TESK2: variants seen among roughly 807,000 people sequenced by gnomAD.
The protein encoded by TESK2 is testis associated actin remodelling kinase 2.
A neutral mutation model predicts 57.1 loss-of-function variants in TESK2; 39 were observed. The observed-to-expected ratio is 0.68, with a 90% CI of 0.53 to 0.89. The LOEUF (loss-of-function observed/expected upper bound fraction) is 0.89. Ranked by LOEUF, TESK2 falls within the 40% of genes least tolerant of loss-of-function variation. The pLI is 0.00. For synonymous variants in TESK2, 249 were observed against 267.9 expected, an observed-to-expected ratio of 0.93 and a Z score of 0.69; for missense variants, 646 against 732.1, an observed-to-expected ratio of 0.88 and a Z score of 1.36.
At chr1:45,413,687 G>A (rs1174291657) in intron 3 of TESK2, 2 of 211,518 alleles carry the variant, frequency 9.5e-6, no homozygotes, top group African/African-American at 4.6e-5. Context: ...AAGATAAAAA[G>A]TGCAACTGTT....
rs991485859 is a variant in TESK2 at position 45,345,109 on chromosome 1, G to A, written c.1447C>T (p.Pro483Ser). 6.2e-7 allele frequency: 1 copy of A among 1,614,162 alleles called. No homozygotes were observed. Among genetic ancestry groups the A allele is most frequent in the Non-Finnish European group, 8.5e-7 (1 of 1,180,042 alleles). ...GREESLSDGPPPRLSSLKYRV... is the reference protein window; with the variant it reads ...GREESLSDGPSPRLSSLKYRV... Reference sequence around the variant, plus strand: ...TACTTGAGACTACTTAGGCGTGGTGGGGGCCCATCAGATAGCGATTCTTCC... The same window carrying A: ...TACTTGAGACTACTTAGGCGTGGTGAGGGCCCATCAGATAGCGATTCTTCC... Residue 483 changes from proline (P) to serine (S), a missense_variant, in exon 11 of 11, where the codon CCA becomes TCA. By Grantham distance (74) the Pro-to-Ser change is moderately conservative. Transcript: ENST00000372086.
At chr1:45,383,678 A>G (rs1648750157) in intron 4 of TESK2, among the ~76,000 whole-genome samples, 2 of 152,204 alleles carry the variant, frequency 1.3e-5, no homozygotes, top group African/African-American at 2.4e-5. Flanking sequence ...CAGCCCTTCC[A>G]ATGAATTCAC....
chr1:45,473,266 T>G (rs1047391042), intron 1 of TESK2, among the ~76,000 whole-genome samples: 2 of 152,232 alleles, frequency 1.3e-5, no homozygotes, highest in East Asian at 3.9e-4. Flanking sequence ...CTTCTTTTTG[T>G]GCTTAGGTGA....
At chr1:45,355,683 A>G (rs970541400) in intron 4 of TESK2, among the ~76,000 whole-genome samples, 1 of 152,232 alleles carries the variant, frequency 6.6e-6, no homozygotes, top group African/African-American at 2.4e-5. Context: ...ATAAATATTA[A>G]AATATAGTTA....
intron 3 of TESK2, among the ~76,000 whole-genome samples, chr1:45,420,422 G>A (rs748421291): frequency 2.0e-5 from 3 of 150,830 alleles, no homozygotes; most frequent in Non-Finnish European, 3.0e-5. Context: ...TTTGTTGTTT[G>A]TTGTTGTTGT....
intron 3 of TESK2, among the ~76,000 whole-genome samples, chr1:45,420,308 T>C (rs991125522): frequency 9.9e-5 from 15 of 152,000 alleles, no homozygotes; most frequent in Non-Finnish European, 1.5e-4. Flanking sequence ...GCTGCAATCA[T>C]GGCTCACTGT....
chr1:45,378,807 C>G (rs1210259954), intron 4 of TESK2, among the ~76,000 whole-genome samples: 2 of 152,182 alleles, frequency 1.3e-5, no homozygotes, highest in African/African-American at 4.8e-5. Context: ...TGGTGTGTAT[C>G]AAGTGAATCT....
chr1:45,471,189 C>T (rs1205298441), intron 1 of TESK2, among the ~76,000 whole-genome samples: 1 of 151,904 alleles, frequency 6.6e-6, no homozygotes, highest in Non-Finnish European at 1.5e-5. Flanking sequence ...TATGATCACA[C>T]CACTGCACTC....
intron 3 of TESK2, chr1:45,399,079 T>G (rs1409530512): frequency 2.7e-6 from 1 of 370,612 alleles, no homozygotes; most frequent in Non-Finnish European, 5.2e-6. Context: ...TCCATACACT[T>G]AAAACATTGC....
rs116487528 is a variant in TESK2, at chr1:45,376,911, T to C, written c.393+9001A>G. ...GTGTGCTTGATGATGATTATTCAGA[T>C]AGTAGTATGTCAAAATGAAGAAAAC... On this transcript the variant is annotated intron_variant, in intron 4 of 10. Transcript: ENST00000372086. Among the ~76,000 whole-genome samples, 361 of 152,244 alleles carry C rather than the reference T, an allele frequency of 2.4e-3. 4 individuals are homozygous for C. The highest frequency in any genetic ancestry group is 8.4e-3 in the African/African-American group (350 of 41,566).
chr1:45,347,880 CT>C (rs1647168658), intron 6 of TESK2, 37 bp downstream of exon 6: 7 of 1,556,596 alleles, frequency 4.5e-6, no homozygotes, highest in Non-Finnish European at 6.2e-6. Context: ...CTTCAGCCCC[CT>C]GTCCCTTGGA....
intron 5 of TESK2, among the ~76,000 whole-genome samples, chr1:45,348,264 G>C (rs2149263061): frequency 6.6e-6 from 1 of 152,284 alleles, no homozygotes; most frequent in African/African-American, 2.4e-5. Context: ...TAAGTGCTAG[G>C]CATAATTTTA....
At chr1:45,478,385 A>C (rs1653085552) in intron 1 of TESK2, among the ~76,000 whole-genome samples, 1 of 152,162 alleles carries the variant, frequency 6.6e-6, no homozygotes, top group East Asian at 1.9e-4. Context: ...CTTTCACTGG[A>C]CTATGAGCTT....
chr1:45,358,006 T>TAA (rs760610185), intron 4 of TESK2, among the ~76,000 whole-genome samples: 2,008 of 23,966 alleles, frequency 0.084, 385 homozygotes, highest in African/African-American at 0.28. Flanking sequence ...AAACTCCGTC[T>TAA]AAAAAAAAAA....
chr1:45,345,620 C>T (rs1168004462), intron 10 of TESK2, 62 bp from the exon 11 acceptor site: 2 of 1,446,506 alleles, frequency 1.4e-6, no homozygotes, highest in East Asian at 2.3e-5. Flanking sequence ...CAGCATTTTA[C>T]CACAGAATGT....
At chr1:45,379,686 A>AG (rs773856194) in intron 4 of TESK2, among the ~76,000 whole-genome samples, 4 of 152,212 alleles carry the variant, frequency 2.6e-5, no homozygotes, top group Non-Finnish European at 4.4e-5. Context: ...GAGTGACAGG[A>AG]GGATCAGAGC....
rs74955539 is a variant in TESK2, at chr1:45,373,556, A to C, written c.393+12356T>G. Among the ~76,000 whole-genome samples, 115 of 152,356 alleles carry C rather than the reference A, an allele frequency of 7.5e-4. No individual in the cohort carries two copies. In the East Asian group the frequency reaches 0.013, roughly 18 times the overall value. On this transcript the variant is annotated intron_variant, in intron 4 of 10. Transcript: ENST00000372086. ...TTTTTTGAAGTTCACTAAACTAGCCATTGACACAGTACCTGCTTAATAATT... is the reference window on the plus strand; with the variant it reads ...TTTTTTGAAGTTCACTAAACTAGCCCTTGACACAGTACCTGCTTAATAATT...
chr1:45,355,408 G>A lies in TESK2; in HGVS notation c.435C>T (p.Asn145=), dbSNP rs185925536. The change falls in exon 5 of 11, where the codon AAC becomes AAT. Residue 145 remains asparagine (N), a synonymous_variant. Transcript: ENST00000372086. ...SGNLEQLLDS[N]LHLPWTVRVK... is the part of the protein sequence containing the mutation. ...CCCTCACAGTCCAAGGCAAATGCAG[G>A]TTACTGTCTAGCAACTGTTCCAGGT... 3.3e-5 allele frequency: 54 copies of A among 1,613,528 alleles called. No individual in the cohort carries two copies. The East Asian group carries it at 1.0e-3, about 31-fold the overall frequency.
At chr1:45,488,098 G>A (rs796739510) in intron 1 of TESK2, among the ~76,000 whole-genome samples, 3 of 152,100 alleles carry the variant, frequency 2.0e-5, no homozygotes, top group Admixed American at 6.5e-5. Flanking sequence ...ATTTTCTGTA[G>A]AGACGAGGTC....
Sources: allele counts gnomAD v4.1 joint callset (sites outside exome capture counted in the v4.1 genomes callset), GRCh38; gene constraint gnomAD v4.1.1; transcripts MANE v1.5; gene names NCBI Gene and HGNC (gene_info 2026-07-23, HGNC 2026-07-21).